The following AP1S3 variants were observed in gnomAD, a reference collection of about 807,000 sequenced individuals.
AP1S3 encodes the protein AP-1 complex subunit sigma-3.
A neutral mutation model predicts 20.9 loss-of-function variants in AP1S3; 10 were observed. The ratio of observed to expected loss-of-function variants is 0.48; its 90% CI spans 0.29 to 0.81. The LOEUF (loss-of-function observed/expected upper bound fraction) is 0.81, where lower values mean the gene tolerates loss of function less well. Among genes scored for constraint, AP1S3 ranks in the 30% least tolerant of loss-of-function variants. The pLI, the probability that AP1S3 is intolerant of heterozygous loss-of-function variation, is 0.08. For synonymous variants in AP1S3, 41 were observed against 61.5 expected, an observed-to-expected ratio of 0.67 and a Z score of 1.56; for missense variants, 154 against 183.8, an observed-to-expected ratio of 0.84 and a Z score of 0.94.
intron 1 of AP1S3, among the ~76,000 whole-genome samples, chr2:223,785,466 C>G (rs1021607996): frequency 1.3e-5 from 2 of 152,156 alleles, no homozygotes; most frequent in Non-Finnish European, 2.9e-5. Flanking sequence ...GGTTATCTTA[C>G]AACAGTGGAA....
chr2:223,837,406 G>C (rs1460408270), intron 1 of AP1S3, 42 bp downstream of exon 1: 1 of 1,165,736 alleles, frequency 8.6e-7, no homozygotes, highest in Admixed American at 4.3e-5. Context: ...GAGCGCGAGC[G>C]CCCCCACCGC....
intron 1 of AP1S3, among the ~76,000 whole-genome samples, chr2:223,790,959 A>G (rs192348724): frequency 4.6e-5 from 7 of 152,344 alleles, no homozygotes; most frequent in Non-Finnish European, 1.0e-4. Flanking sequence ...CCCTCCCAAG[A>G]CTGAACAAGA....
chr2:223,797,836 G>C (rs1165415878), intron 1 of AP1S3, among the ~76,000 whole-genome samples: 1 of 152,290 alleles, frequency 6.6e-6, no homozygotes. Flanking sequence ...GTGTGGATGT[G>C]GTCTGCAAGC....
chr2:223,760,542 G>A (rs1690329816), intron 4 of AP1S3, among the ~76,000 whole-genome samples: 1 of 152,208 alleles, frequency 6.6e-6, no homozygotes, highest in African/African-American at 2.4e-5. Context: ...CATTGGCCAA[G>A]ACAGCCCCAT....
At chr2:223,837,275 G>A (rs1289366043) in intron 1 of AP1S3, among the ~76,000 whole-genome samples, 173 bp downstream of exon 1, 1 of 151,762 alleles carries the variant, frequency 6.6e-6, no homozygotes, top group African/African-American at 2.4e-5. Context: ...CGATCCTGGC[G>A]CGTCCGCACC....
At chr2:223,780,874 C>T (rs1438856484) in intron 1 of AP1S3, among the ~76,000 whole-genome samples, 1 of 151,746 alleles carries the variant, frequency 6.6e-6, no homozygotes, top group Non-Finnish European at 1.5e-5. Context: ...GTTTCAGGTA[C>T]AACTGAACCT....
Position 223,757,864 on chromosome 2 carries a change from A to G in AP1S3, c.*851T>C, listed in dbSNP as rs1690258157. On this transcript the variant is annotated 3_prime_UTR_variant, in exon 5 of 5. Transcript: ENST00000396654. The stretch of plus-strand genomic sequence containing the variant: ...TTTGAAATGAAATTTCCAGCATCTA[A>G]GAGTGCTTGGAACGTGAATTTTAAA... 1 of 985,164 alleles carries G rather than the reference A, an allele frequency of 1.0e-6. No homozygotes were observed. The highest frequency in any genetic ancestry group is 6.1e-5 in the Admixed American group (1 of 16,290). The allele number at this position is 985,164 out of a possible 1,614,324, so 61.0% of individuals were successfully genotyped here. A position where few individuals can be genotyped will look rare whatever the true frequency, so the allele number is the denominator to read the frequency against.
intron 1 of AP1S3, among the ~76,000 whole-genome samples, chr2:223,780,343 A>AGTGTGT (rs1559280827): frequency 2.6e-5 from 3 of 115,018 alleles, no homozygotes; most frequent in Non-Finnish European, 5.3e-5. Context: ...AGAGAGAGAG[A>AGTGTGT]GAGAGAGAGA....
chr2:223,787,528 A>G (rs965633539), intron 1 of AP1S3, among the ~76,000 whole-genome samples: 1 of 152,184 alleles, frequency 6.6e-6, no homozygotes, highest in Non-Finnish European at 1.5e-5. Flanking sequence ...AAATAGGGGA[A>G]TTTGTCACTG....
intron 1 of AP1S3, among the ~76,000 whole-genome samples, chr2:223,800,641 T>A (rs7568456): frequency 0.34 from 52,052 of 151,934 alleles, 9,273 homozygotes; most frequent in Middle Eastern, 0.41. Flanking sequence ...TGAACATCAA[T>A]TCATGATAAA....
At chr2:223,818,933 A>C (rs1007314930) in intron 1 of AP1S3, among the ~76,000 whole-genome samples, 1 of 152,206 alleles carries the variant, frequency 6.6e-6, no homozygotes, top group African/African-American at 2.4e-5. Flanking sequence ...TAATGATTAT[A>C]GATTCAAGCT....
At chr2:223,819,067 C>T (rs990872368) in intron 1 of AP1S3, among the ~76,000 whole-genome samples, 2 of 152,128 alleles carry the variant, frequency 1.3e-5, no homozygotes, top group Non-Finnish European at 2.9e-5. Context: ...CCTTTTTCTA[C>T]ACTTATAATG....
At chr2:223,773,047 A>G (rs1690670779) in intron 3 of AP1S3, among the ~76,000 whole-genome samples, 2 of 152,222 alleles carry the variant, frequency 1.3e-5, no homozygotes, top group African/African-American at 4.8e-5. Context: ...ATACCAAAAT[A>G]GAATGGGAAA....
At chr2:223,766,003 C>G (rs899470651) in intron 3 of AP1S3, among the ~76,000 whole-genome samples, 8 of 152,170 alleles carry the variant, frequency 5.3e-5, no homozygotes, top group African/African-American at 1.9e-4. Flanking sequence ...AAAGCAGAGT[C>G]TGATAGATTT....
Position 223,763,804 on chromosome 2 carries a change from A to G in AP1S3, c.429+1409T>C, listed in dbSNP as rs138662533. 4.1e-3 allele frequency among the ~76,000 whole-genome samples: 619 copies of G among 152,342 alleles called. 4 individuals carry two copies. Among genetic ancestry groups the G allele is most frequent in the African/African-American group, 0.014 (591 of 41,572 alleles). On this transcript the variant is annotated intron_variant, in intron 4 of 4. Coordinates refer to ENST00000396654, the MANE Select transcript of AP1S3 (RefSeq NM_001039569.2). ...TCTGGCTGGGCAGGAGCAAGTAATCAGCCTAAAGATGCACCAAAACAGTTG... is the reference window on the plus strand; with the variant it reads ...TCTGGCTGGGCAGGAGCAAGTAATCGGCCTAAAGATGCACCAAAACAGTTG...
chr2:223,755,528 C>T lies in AP1S3; in HGVS notation c.*3187G>A, dbSNP rs1260163955. 1.2e-5 allele frequency among the ~76,000 whole-genome samples: 1 copy of T among 80,976 alleles called. No homozygotes were observed. The highest frequency in any genetic ancestry group is 4.5e-5 in the African/African-American group (1 of 22,070). 53.1% of individuals were successfully genotyped at this position (80,976 alleles called of 152,430 possible). On this transcript the variant is annotated 3_prime_UTR_variant, in exon 5 of 5. Coordinates refer to ENST00000396654, the MANE Select transcript of AP1S3 (RefSeq NM_001039569.2). Reference sequence around the variant, plus strand: ...CCATATAGATATGTTTACTTACTTTCATTTTTTTTTTTTTTTTTTTGAGAC... The same window carrying T: ...CCATATAGATATGTTTACTTACTTTTATTTTTTTTTTTTTTTTTTTGAGAC...
At chr2:223,790,952 T>A (rs937276165) in intron 1 of AP1S3, among the ~76,000 whole-genome samples, 1 of 152,052 alleles carries the variant, frequency 6.6e-6, no homozygotes, top group Non-Finnish European at 1.5e-5. Context: ...ACATACACCC[T>A]CCCAAGACTG....
intron 1 of AP1S3, among the ~76,000 whole-genome samples, chr2:223,824,800 G>T (rs1318682116): frequency 6.6e-6 from 1 of 152,196 alleles, no homozygotes; most frequent in Non-Finnish European, 1.5e-5. Flanking sequence ...CTCCCAAAGT[G>T]CTGGGATTGC....
intron 3 of AP1S3, among the ~76,000 whole-genome samples, chr2:223,768,489 T>A (rs1446054322): frequency 6.6e-6 from 1 of 152,190 alleles, no homozygotes; most frequent in Non-Finnish European, 1.5e-5. Context: ...CTTCATTATC[T>A]TTATATCCCT....
Sources: gnomAD v4.1 joint callset for allele counts (sites outside exome capture counted in the v4.1 genomes callset) on GRCh38, gnomAD v4.1.1 for gene constraint, MANE v1.5 for transcripts, NCBI Gene and HGNC (gene_info 2026-07-23, HGNC 2026-07-21) for gene names.